The following INPP4B variants were observed in gnomAD, a reference collection of about 807,000 sequenced individuals.
INPP4B encodes inositol polyphosphate-4-phosphatase type II B, also known as inositol polyphosphate 4-phosphatase type II.
INPP4B carries 55 observed loss-of-function variants against 122.5 expected under a neutral mutation model. The ratio of observed to expected loss-of-function variants is 0.45; its 90% CI spans 0.36 to 0.56. The LOEUF (loss-of-function observed/expected upper bound fraction) is 0.56, where lower values mean the gene tolerates loss of function less well. Among genes scored for constraint, INPP4B ranks in the 20% least tolerant of loss-of-function variants. The pLI is 0.00. For missense variants in INPP4B, 1,000 were observed against 1,097.7 expected (o/e 0.91, Z 1.26); for synonymous variants, 403 against 388.7 (o/e 1.04, Z -0.43).
chr4:142,834,264 G>A (rs1429330534), intron 1 of INPP4B, among the ~76,000 whole-genome samples: 3 of 152,274 alleles, frequency 2.0e-5, no homozygotes, highest in African/African-American at 7.2e-5. Context: ...AAAGGACAAT[G>A]AATCCAGATT....
intron 7 of INPP4B, among the ~76,000 whole-genome samples, chr4:142,397,066 G>T (rs1470805418): frequency 6.6e-6 from 1 of 152,196 alleles, no homozygotes; most frequent in Admixed American, 6.5e-5. Flanking sequence ...TGACCAGTTT[G>T]TTACATATAA....
chr4:142,547,340 G>C (rs1829754603), intron 2 of INPP4B, among the ~76,000 whole-genome samples: 2 of 152,016 alleles, frequency 1.3e-5, no homozygotes, highest in Non-Finnish European at 2.9e-5. Flanking sequence ...AGCATGCCCT[G>C]ACCCTCTCAC....
At chr4:142,666,572 C>A (rs1354706429) in intron 2 of INPP4B, among the ~76,000 whole-genome samples, 3 of 151,822 alleles carry the variant, frequency 2.0e-5, no homozygotes, top group Admixed American at 6.6e-5. Flanking sequence ...AGAACCCTAC[C>A]AAATATTAGA....
At chr4:142,349,893 T>TAAAA (rs10631958) in intron 7 of INPP4B, among the ~76,000 whole-genome samples, 370 of 148,224 alleles carry the variant, frequency 2.5e-3, no homozygotes, top group East Asian at 0.011. Flanking sequence ...AGATAAGTTG[T>TAAAA]AAAAAAAAAA....
At chr4:142,721,727 A>G (rs1406058447) in intron 2 of INPP4B, among the ~76,000 whole-genome samples, 2 of 152,224 alleles carry the variant, frequency 1.3e-5, no homozygotes, top group Non-Finnish European at 2.9e-5. Flanking sequence ...AGGCTGAGGC[A>G]GGAGAATTGC....
intron 2 of INPP4B, chr4:142,583,733 T>C (rs2150213099): frequency 6.6e-6 from 1 of 152,284 alleles, no homozygotes; most frequent in African/African-American, 2.4e-5. Context: ...ACTACCTACA[T>C]GTGTAGAGTG....
chr4:142,169,323 T>C (rs1824393161), intron 16 of INPP4B, among the ~76,000 whole-genome samples: 1 of 151,760 alleles, frequency 6.6e-6, no homozygotes, highest in Non-Finnish European at 1.5e-5. Context: ...ATACATACTT[T>C]TGCCAATCTT....
intron 18 of INPP4B, among the ~76,000 whole-genome samples, chr4:142,131,913 C>A (rs980974341): frequency 2.0e-5 from 3 of 151,878 alleles, no homozygotes; most frequent in Admixed American, 2.0e-4. Flanking sequence ...CAAGATTGCA[C>A]CATTGCACTC....
At chr4:142,521,967 A>G (rs1421789108) in intron 2 of INPP4B, among the ~76,000 whole-genome samples, 1 of 152,110 alleles carries the variant, frequency 6.6e-6, no homozygotes, top group Admixed American at 6.6e-5. Context: ...TGGTGAATTA[A>G]CTAAAACATT....
intron 18 of INPP4B, among the ~76,000 whole-genome samples, chr4:142,140,374 G>A (rs764930209): frequency 3.9e-5 from 6 of 152,146 alleles, no homozygotes; most frequent in Non-Finnish European, 8.8e-5. Flanking sequence ...AGAAATATAG[G>A]CCATGCAATG....
chr4:142,338,814 A>G (rs950179621), intron 7 of INPP4B, among the ~76,000 whole-genome samples: 2 of 152,134 alleles, frequency 1.3e-5, no homozygotes, highest in African/African-American at 4.8e-5. Flanking sequence ...TTGTTCCTTC[A>G]GATCCCACAC....
At chr4:142,309,712 C>T (rs1379459529) in intron 8 of INPP4B, among the ~76,000 whole-genome samples, 1 of 152,238 alleles carries the variant, frequency 6.6e-6, no homozygotes, top group Non-Finnish European at 1.5e-5. Context: ...ACATGCAGCT[C>T]TAGCCTTTCT....
At chr4:142,444,367 T>C (rs535411121) in intron 3 of INPP4B, among the ~76,000 whole-genome samples, 22 of 152,192 alleles carry the variant, frequency 1.4e-4, no homozygotes, top group African/African-American at 5.3e-4. Context: ...CAGAGACTTC[T>C]CAAAATAAGA....
intron 2 of INPP4B, among the ~76,000 whole-genome samples, chr4:142,467,015 G>C (rs1817914738): frequency 6.6e-6 from 1 of 152,222 alleles, no homozygotes; most frequent in Admixed American, 6.5e-5. Flanking sequence ...CTAGATTTTA[G>C]AGGATGTATA....
At chr4:142,198,187 C>A (rs1263791281) in intron 14 of INPP4B, among the ~76,000 whole-genome samples, 1 of 151,966 alleles carries the variant, frequency 6.6e-6, no homozygotes, top group East Asian at 1.9e-4. Context: ...TTATCCTAAT[C>A]TTTATTCATT....
chr4:142,223,230 T>A (rs985587948), intron 12 of INPP4B, among the ~76,000 whole-genome samples: 2 of 151,896 alleles, frequency 1.3e-5, no homozygotes, highest in African/African-American at 4.8e-5. Flanking sequence ...ACACACACTA[T>A]AGTCATAAGT....
chr4:142,680,857 T>C (rs1758516469), intron 2 of INPP4B, among the ~76,000 whole-genome samples: 4 of 151,876 alleles, frequency 2.6e-5, no homozygotes, highest in African/African-American at 9.7e-5. Context: ...CATAGTTCAC[T>C]TCCCATGGCT....
intron 1 of INPP4B, among the ~76,000 whole-genome samples, chr4:142,836,719 T>TAC (rs138777384): frequency 0.01 from 1,525 of 146,486 alleles, 7 homozygotes; most frequent in South Asian, 0.015. Context: ...AAGTACTGTC[T>TAC]ACACACACAC....
At chr4:142,188,759 G>T (rs974822882) in intron 15 of INPP4B, among the ~76,000 whole-genome samples, 3 of 151,660 alleles carry the variant, frequency 2.0e-5, no homozygotes, top group Non-Finnish European at 4.4e-5. Flanking sequence ...TTCATAAAAA[G>T]AAATAAAAAT....
Sources: gnomAD v4.1 joint callset for allele counts (sites outside exome capture counted in the v4.1 genomes callset) on GRCh38, gnomAD v4.1.1 for gene constraint, MANE v1.5 for transcripts, NCBI Gene and HGNC (gene_info 2026-07-23, HGNC 2026-07-21) for gene names.